The following PRKACB variants were observed in gnomAD, a reference collection of about 807,000 sequenced individuals.
The protein encoded by PRKACB is cAMP-dependent protein kinase catalytic subunit beta.
In PRKACB, 16 loss-of-function variants were observed where a neutral mutation model predicts 51.4. That is an observed-to-expected ratio of 0.31 (90% CI 0.21 to 0.47). PRKACB has a LOEUF of 0.47. Ranked by LOEUF, PRKACB falls within the 20% of genes least tolerant of loss-of-function variation. The pLI is 1.00. For synonymous variants in PRKACB, 147 were observed against 154.4 expected, an observed-to-expected ratio of 0.95 and a Z score of 0.35; for missense variants, 309 against 464.5, an observed-to-expected ratio of 0.67 and a Z score of 3.08.
intron 1 of PRKACB, among the ~76,000 whole-genome samples, chr1:84,145,267 A>G (rs901037091): frequency 3.9e-5 from 6 of 152,130 alleles, no homozygotes; most frequent in Admixed American, 3.3e-4. Context: ...AATTGCACAT[A>G]TAAACAATAC....
chr1:84,102,747 G>A (rs1392435060), intron 1 of PRKACB, among the ~76,000 whole-genome samples: 1 of 152,126 alleles, frequency 6.6e-6, no homozygotes, highest in African/African-American at 2.4e-5. Context: ...GCCATTTCAT[G>A]TGAAAGAATG....
At chr1:84,181,016 T>C (rs1325592099) in intron 2 of PRKACB, among the ~76,000 whole-genome samples, 1 of 152,056 alleles carries the variant, frequency 6.6e-6, no homozygotes, top group African/African-American at 2.4e-5. Context: ...AAGAGCTTTC[T>C]GTGTTGATAA....
chr1:84,124,924 C>T (rs1322672573), intron 1 of PRKACB, among the ~76,000 whole-genome samples: 1 of 152,180 alleles, frequency 6.6e-6, no homozygotes, highest in Non-Finnish European at 1.5e-5. Context: ...AGGAGTTTCA[C>T]ATGTCCATAT....
rs139092678 is a variant in PRKACB at position 84,208,500 on chromosome 1, A to G, written c.907-5653A>G. 2.2e-3 allele frequency among the ~76,000 whole-genome samples: 337 copies of G among 152,346 alleles called. 3 individuals carry two copies. Among genetic ancestry groups the G allele is most frequent in the African/African-American group, 7.7e-3 (321 of 41,590 alleles). On this transcript the variant is annotated intron_variant, in intron 8 of 9. Coordinates refer to ENST00000370685, the MANE Select transcript of PRKACB (RefSeq NM_182948.4). ...AAACTTAGGACCTTAAGAAAAGATG[A>G]AAGTGTTTATTCTATAAATTAACAG...
At chr1:84,175,876 A>T (rs1661075659) in intron 1 of PRKACB, 2 of 1,183,706 alleles carry the variant, frequency 1.7e-6, no homozygotes, top group East Asian at 5.7e-5. Context: ...AAAATATATA[A>T]TTGAAAATGT....
chr1:84,133,521 A>C (rs1258658864), intron 1 of PRKACB, among the ~76,000 whole-genome samples: 3 of 152,200 alleles, frequency 2.0e-5, no homozygotes, highest in African/African-American at 7.2e-5. Context: ...ATGAAACAGG[A>C]AGTTTTCCCT....
chr1:84,083,172 A>G (rs72711180), intron 1 of PRKACB, among the ~76,000 whole-genome samples: 25,195 of 152,172 alleles, frequency 0.17, 2,603 homozygotes, highest in South Asian at 0.25. Flanking sequence ...ACACCTTTCA[A>G]TTATCAAAGG....
chr1:84,124,586 A>ACCTCT (rs1433954307), intron 1 of PRKACB, among the ~76,000 whole-genome samples: 3 of 152,050 alleles, frequency 2.0e-5, no homozygotes, highest in Admixed American at 2.0e-4. Context: ...CCCTACCTTC[A>ACCTCT]CCTCTTTATG....
chr1:84,149,218 A>G (rs1333634711), intron 1 of PRKACB, among the ~76,000 whole-genome samples: 1 of 152,138 alleles, frequency 6.6e-6, no homozygotes, highest in African/African-American at 2.4e-5. Flanking sequence ...TAATTTTTGT[A>G]TATATACTCT....
intron 9 of PRKACB, among the ~76,000 whole-genome samples, chr1:84,221,304 T>C (rs1673673495): frequency 2.0e-5 from 3 of 152,074 alleles, no homozygotes; most frequent in Non-Finnish European, 4.4e-5. Flanking sequence ...ATTTTTCTTT[T>C]CTGATTTTGT....
chr1:84,176,280 A>G lies in PRKACB; in HGVS notation c.188-2897A>G, dbSNP rs554787270. On this transcript the variant is annotated intron_variant, in intron 1 of 9. Transcript: ENST00000370685. ...AATCTGGCTGTCTCTGTCACATCTTATTTTATTAATTATCTGCCAACACTT... is the reference window on the plus strand; with the variant it reads ...AATCTGGCTGTCTCTGTCACATCTTGTTTTATTAATTATCTGCCAACACTT... Among the ~76,000 whole-genome samples the G allele has an allele frequency of 2.6e-5, 4 of 151,982 alleles. No homozygotes were observed. In the South Asian group the frequency reaches 8.3e-4, roughly 31 times the overall value.
intron 1 of PRKACB, among the ~76,000 whole-genome samples, chr1:84,101,870 AAAG>A (rs1309998952): frequency 6.6e-6 from 1 of 152,188 alleles, no homozygotes; most frequent in Non-Finnish European, 1.5e-5. Context: ...ATTATTTAAT[AAAG>A]ATTTAGAGAA....
chr1:84,183,490 G>T (rs541112305), intron 3 of PRKACB, among the ~76,000 whole-genome samples: 19 of 151,530 alleles, frequency 1.3e-4, no homozygotes, highest in Admixed American at 2.0e-4. Flanking sequence ...ATTATAAAAT[G>T]AAAATTGTTC....
chr1:84,166,247 C>T (rs1657429363), intron 1 of PRKACB, among the ~76,000 whole-genome samples: 1 of 151,626 alleles, frequency 6.6e-6, no homozygotes, highest in Non-Finnish European at 1.5e-5. Context: ...ACAAAAACAA[C>T]TTAACATTCC....
chr1:84,117,237 G>A (rs1650706728), intron 1 of PRKACB, among the ~76,000 whole-genome samples: 1 of 152,010 alleles, frequency 6.6e-6, no homozygotes, highest in Admixed American at 6.6e-5. Context: ...TTTTGTGTCT[G>A]TTCAGCAGGG....
intron 1 of PRKACB, among the ~76,000 whole-genome samples, chr1:84,082,425 A>C (rs1485890852): frequency 6.6e-6 from 1 of 152,176 alleles, no homozygotes; most frequent in Non-Finnish European, 1.5e-5. Flanking sequence ...TTTCAGATTC[A>C]ATATAGTAGA....
intron 1 of PRKACB, among the ~76,000 whole-genome samples, chr1:84,150,510 T>G (rs971740756): frequency 1.3e-5 from 2 of 152,108 alleles, no homozygotes; most frequent in African/African-American, 4.8e-5. Context: ...GGCGTTTGGG[T>G]CATGGGGGAG....
chr1:84,165,056 A>G (rs1243383654), intron 1 of PRKACB: 1 of 1,400,740 alleles, frequency 7.1e-7, no homozygotes, highest in Non-Finnish European at 9.7e-7. Flanking sequence ...TATTTAAAAA[A>G]TATATTTATA....
chr1:84,140,463 T>A (rs1334367907), upstream of PRKACB, among the ~76,000 whole-genome samples: 4 of 152,188 alleles, frequency 2.6e-5, no homozygotes, highest in Non-Finnish European at 5.9e-5. Flanking sequence ...CCTAAAACCT[T>A]TATTTGAATA....
Sources: gnomAD v4.1 joint callset for allele counts (sites outside exome capture counted in the v4.1 genomes callset) on GRCh38, gnomAD v4.1.1 for gene constraint, MANE v1.5 for transcripts, NCBI Gene and HGNC (gene_info 2026-07-23, HGNC 2026-07-21) for gene names.